Variants in GUSB observed in about 807,000 individuals in gnomAD.
The protein encoded by GUSB is beta-glucuronidase.
Under a neutral mutation model 74.6 loss-of-function variants are expected in GUSB, and 51 were observed. The ratio of observed to expected loss-of-function variants is 0.68; its 90% CI spans 0.55 to 0.86. GUSB has a LOEUF of 0.86. Ranked by LOEUF, GUSB falls within the 40% of genes least tolerant of loss-of-function variation. GUSB has a pLI of 0.00. For synonymous variants in GUSB, 360 were observed against 348.3 expected, an observed-to-expected ratio of 1.03 and a Z score of -0.37; for missense variants, 736 against 853.7, an observed-to-expected ratio of 0.86 and a Z score of 1.72.
intron 6 of GUSB, 39 bp from the exon 7 acceptor site, chr7:65,974,743 G>A (rs2115957412): frequency 2.5e-6 from 4 of 1,606,314 alleles, no homozygotes; most frequent in Non-Finnish European, 3.4e-6. Context: ...TGTCCCTGTC[G>A]AAGCTGCACT....
intron 2 of GUSB, 104 bp downstream of exon 2, chr7:65,980,118 CCA>C (rs1235754962): frequency 1.7e-6 from 2 of 1,195,664 alleles, no homozygotes; most frequent in African/African-American, 3.0e-5. Context: ...GCAGGACCCC[CCA>C]CCATCCCACC....
intron 4 of GUSB, among the ~76,000 whole-genome samples, chr7:65,978,325 G>A (rs1791729937): frequency 6.6e-6 from 1 of 152,036 alleles, no homozygotes; most frequent in Admixed American, 6.6e-5. Flanking sequence ...GCACACGCCT[G>A]TAATCCCAGC....
In GUSB at chr7:65,979,797, C is replaced by A; in HGVS notation, c.511G>T (p.Ala171Ser). 1 of 1,613,742 alleles carries A rather than the reference C, an allele frequency of 6.2e-7. No individual in the cohort carries two copies. Among genetic ancestry groups the A allele is most frequent in the Admixed American group, 1.7e-5 (1 of 60,006 alleles). The part of the protein sequence containing the change: ...PLPSRLRITI[A>S]INNTLTPTTL... ...GTGGGGGTGAGTGTGTTGTTGATGG[C>A]GATAGTGATTCGGAGCCGGGAGGGC... The change falls in exon 3 of 12, where the codon GCC (alanine) becomes TCC (serine). Residue 171 changes from alanine (A) to serine (S), a missense_variant. Ala to Ser is a moderately conservative substitution (Grantham distance 99). Coordinates refer to ENST00000304895, the MANE Select transcript of GUSB (RefSeq NM_000181.4).
In GUSB at chr7:65,970,305, A is replaced by C; in HGVS notation, c.1453T>G (p.Ser485Ala). 1.2e-6 allele frequency: 2 copies of C among 1,612,568 alleles called. No homozygotes were observed. The highest frequency in any genetic ancestry group is 1.7e-6 in the Non-Finnish European group (2 of 1,178,954). ...PSRPVTFVSN[S>A]NYAADKGAPY... The stretch of plus-strand genomic sequence containing the variant: ...ACCCCCTTGTCTGCTGCATAGTTAG[A>C]GTTGCTCACAAAGGTCACAGGCCGG... The change falls in exon 9 of 12, where the codon TCT (serine) becomes GCT (alanine). Residue 485 changes from serine to alanine, a missense_variant. Coordinates refer to ENST00000304895, the MANE Select transcript of GUSB (RefSeq NM_000181.4).
At chr7:65,963,825 C>A (rs1329421114) in intron 11 of GUSB, among the ~76,000 whole-genome samples, 1 of 152,174 alleles carries the variant, frequency 6.6e-6, no homozygotes, top group African/African-American at 2.4e-5. Context: ...GGATTACAGG[C>A]GTGAGCCACT....
chr7:65,971,102 G>T (rs1205227102), intron 8 of GUSB, among the ~76,000 whole-genome samples: 1 of 152,158 alleles, frequency 6.6e-6, no homozygotes, highest in Non-Finnish European at 1.5e-5. Flanking sequence ...CACTAGGCTG[G>T]ACACTGGCAA....
At chr7:65,964,063 A>G in intron 11 of GUSB, 1 of 494,208 alleles carries the variant, frequency 2.0e-6, no homozygotes, top group South Asian at 2.1e-5. Flanking sequence ...GGAAAAGGCA[A>G]GCCAGCCATT....
chr7:65,976,967 G>C (rs1339305981), intron 4 of GUSB, among the ~76,000 whole-genome samples: 1 of 151,914 alleles, frequency 6.6e-6, no homozygotes, highest in East Asian at 2.0e-4. Flanking sequence ...TGAGACACGT[G>C]ACGTGTGAAC....
intron 5 of GUSB, 65 bp from the exon 6 acceptor site, chr7:65,975,136 C>T: frequency 3.4e-6 from 5 of 1,474,076 alleles, no homozygotes; most frequent in Non-Finnish European, 4.7e-6. Context: ...GCCTGCCCTC[C>T]AGCAGGAAGG....
At chr7:65,971,645 T>C (rs1036841621) in intron 8 of GUSB, among the ~76,000 whole-genome samples, 3 of 151,548 alleles carry the variant, frequency 2.0e-5, no homozygotes, top group African/African-American at 7.3e-5. Context: ...GGCAGAAGAA[T>C]TGCCTGAACC....
At chr7:65,962,155 C>T (rs574506568) in intron 11 of GUSB, among the ~76,000 whole-genome samples, 35 of 152,268 alleles carry the variant, frequency 2.3e-4, no homozygotes, top group African/African-American at 7.9e-4. Context: ...GAAGAGATAG[C>T]GCCTAGTGGG....
chr7:65,967,057 G>A (rs1790883182), intron 10 of GUSB, among the ~76,000 whole-genome samples: 1 of 152,170 alleles, frequency 6.6e-6, no homozygotes. Context: ...TGGGATAGAG[G>A]GGAGAAGGGG....
intron 8 of GUSB, among the ~76,000 whole-genome samples, chr7:65,972,042 AAAAT>A (rs1044584682): frequency 1.3e-5 from 2 of 152,202 alleles, no homozygotes; most frequent in Admixed American, 6.6e-5. Context: ...TCCATCTCAA[AAAAT>A]AAATAAATAA....
intron 1 of GUSB, among the ~76,000 whole-genome samples, chr7:65,981,623 A>C (rs1057213763): frequency 6.6e-6 from 1 of 151,942 alleles, no homozygotes; most frequent in Non-Finnish European, 1.5e-5. Flanking sequence ...CTCAGAAGTT[A>C]GGCTGGCGCC....
rs546410346 is a variant in GUSB at position 65,973,180 on chromosome 7, G to A, written c.1391+1115C>T. On this transcript the variant is annotated intron_variant, in intron 8 of 11. Transcript: ENST00000304895. ...ACCCAGTCTCTAATTAGCCGGGCAC[G>A]GTGGCTCACGCCTGTAATCCCAGCA... Among the ~76,000 whole-genome samples, 13 of 152,314 alleles carry A rather than the reference G, an allele frequency of 8.5e-5. No homozygotes were observed. In the South Asian group the frequency reaches 1.4e-3, roughly 17 times the overall value.
At chr7:65,961,713 A>G (rs1434727284) in intron 11 of GUSB, among the ~76,000 whole-genome samples, 1 of 152,268 alleles carries the variant, frequency 6.6e-6, no homozygotes, top group African/African-American at 2.4e-5. Flanking sequence ...TATTAAAAAT[A>G]CAAAAACTGG....
chr7:65,981,431 CCT>C (rs1317482556), intron 1 of GUSB, among the ~76,000 whole-genome samples: 1 of 151,850 alleles, frequency 6.6e-6, no homozygotes, highest in South Asian at 2.1e-4. Flanking sequence ...GAGGTTTCAC[CCT>C]GTTATGTTGG....
Position 65,978,532 on chromosome 7 carries a change from C to T in GUSB, c.724+867G>A, listed in dbSNP as rs183626306. On this transcript the variant is annotated intron_variant, in intron 4 of 11. Transcript: ENST00000304895. Reference sequence around the variant, plus strand: ...CCTGTAACCCTTGCATTTTGGCAGGCCGAGGAGGGTGGATCACCTGAGGTT... The same window carrying T: ...CCTGTAACCCTTGCATTTTGGCAGGTCGAGGAGGGTGGATCACCTGAGGTT... 1.4e-4 allele frequency among the ~76,000 whole-genome samples: 22 copies of T among 152,088 alleles called. No individual in the cohort carries two copies. In the East Asian group the frequency reaches 4.1e-3, roughly 28 times the overall value.
chr7:65,978,732 A>G (rs1350745395), intron 4 of GUSB, among the ~76,000 whole-genome samples: 2 of 151,582 alleles, frequency 1.3e-5, no homozygotes, highest in Non-Finnish European at 2.9e-5. Flanking sequence ...AGATCACGCC[A>G]TCGCACTCCA....
Sources: allele counts gnomAD v4.1 joint callset (sites outside exome capture counted in the v4.1 genomes callset), GRCh38; gene constraint gnomAD v4.1.1; transcripts MANE v1.5; gene names NCBI Gene and HGNC (gene_info 2026-07-23, HGNC 2026-07-21).